MYOCD: variants seen among roughly 807,000 people sequenced by gnomAD.
MYOCD encodes the protein myocardin.
Under a neutral mutation model 96.1 loss-of-function variants are expected in MYOCD, and 32 were observed. The observed-to-expected ratio is 0.33, with a 90% CI of 0.25 to 0.45. The LOEUF is 0.45. MYOCD is among the 20% of genes least tolerant of loss of function. The probability of loss-of-function intolerance (pLI) is 1.00; values close to 1 mark genes in which losing one functional copy is unlikely to be tolerated. For synonymous variants in MYOCD, 469 were observed against 469.0 expected (o/e 1.00, Z 0.00); for missense variants, 1,133 against 1,200.6 (o/e 0.94, Z 0.83).
At chr17:12,687,993 C>T (rs866476362) in intron 1 of MYOCD, among the ~76,000 whole-genome samples, 1 of 152,180 alleles carries the variant, frequency 6.6e-6, no homozygotes, top group Non-Finnish European at 1.5e-5. Context: ...ATTCCAGTAA[C>T]TTCTCTCTGA....
chr17:12,728,578 CA>C (rs2032069781), intron 5 of MYOCD, among the ~76,000 whole-genome samples: 1 of 152,146 alleles, frequency 6.6e-6, no homozygotes, highest in Non-Finnish European at 1.5e-5. Flanking sequence ...CTCCCGGGTT[CA>C]AGTGATTCTC....
intron 5 of MYOCD, among the ~76,000 whole-genome samples, chr17:12,726,482 A>T (rs940033260): frequency 2.6e-5 from 4 of 151,074 alleles, no homozygotes; most frequent in African/African-American, 4.9e-5. Flanking sequence ...TCCACTTATT[A>T]AAAAAAATCT....
At chr17:12,685,259 TACTGC>T (rs2150646870) in intron 1 of MYOCD, among the ~76,000 whole-genome samples, 1 of 151,866 alleles carries the variant, frequency 6.6e-6, no homozygotes, top group African/African-American at 2.4e-5. Flanking sequence ...AAGATCACAC[TACTGC>T]ACTCCAGCCT....
intron 1 of MYOCD, among the ~76,000 whole-genome samples, chr17:12,667,435 G>A (rs939942612): frequency 2.0e-5 from 3 of 152,172 alleles, no homozygotes; most frequent in African/African-American, 7.2e-5. Flanking sequence ...CACTGGGGTC[G>A]GCAGTGGATT....
At chr17:12,726,356 T>G (rs1028952780) in intron 5 of MYOCD, among the ~76,000 whole-genome samples, 4 of 152,168 alleles carry the variant, frequency 2.6e-5, no homozygotes, top group South Asian at 4.1e-4. Flanking sequence ...CAATAAAACT[T>G]TATTTACAAA....
rs191139944 is a variant in MYOCD at position 12,766,401 on chromosome 17, A to G, written c.*2757A>G. ...TAAAATGGTTCCTATATCCTAATGC[A>G]AACCAACACAGTTAAAAGAGCAGAT... On this transcript the variant is annotated 3_prime_UTR_variant, in exon 14 of 14. Transcript: ENST00000425538. The G allele has an allele frequency of 6.6e-6, 1 of 152,276 alleles. No individual in the cohort carries two copies. The highest frequency in any genetic ancestry group is 1.9e-4 in the East Asian group (1 of 5,182). 9.4% of individuals were successfully genotyped at this position (152,276 alleles called of 1,614,324 possible). A position where few individuals can be genotyped will look rare whatever the true frequency, so the allele number is the denominator to read the frequency against.
chr17:12,715,303 T>C lies in MYOCD; in HGVS notation c.122-216T>C, dbSNP rs1021026701. ...TTCTTGTTGCACATCCTGCCTCTGC[T>C]ACTCCCCGTTTGAGGCTTCGATTCC... On this transcript the variant is annotated intron_variant, in intron 2 of 13. Transcript: ENST00000425538. 9.7e-5 allele frequency among the ~76,000 whole-genome samples: 7 copies of C among 72,458 alleles called. No homozygotes were observed. In the East Asian group the frequency reaches 1.8e-3, roughly 18 times the overall value. 47.5% of individuals were successfully genotyped at this position (72,458 alleles called of 152,430 possible). A position where few individuals can be genotyped will look rare whatever the true frequency, so the allele number is the denominator to read the frequency against.
At chr17:12,758,784 C>T in intron 12 of MYOCD, among the ~76,000 whole-genome samples, 1 of 152,188 alleles carries the variant, frequency 6.6e-6, no homozygotes, top group Non-Finnish European at 1.5e-5. Context: ...TCTGGTGGCT[C>T]ACACCTGTAA....
Position 12,702,418 on chromosome 17 carries a change from A to T in MYOCD, c.56-2710A>T, listed in dbSNP as rs372197353. 1.3e-4 allele frequency among the ~76,000 whole-genome samples: 20 copies of T among 152,024 alleles called. 1 individual carries two copies. In the South Asian group the frequency reaches 4.2e-3, roughly 32 times the overall value. On this transcript the variant is annotated intron_variant, in intron 1 of 13. Coordinates refer to ENST00000425538, the MANE Select transcript of MYOCD (RefSeq NM_001146312.3). ...ACCTTTTTTCCATCTACTTACTTTC[A>T]ACCAATCTGACACTTTATATATAAA...
chr17:12,752,440 A>C lies in MYOCD; in HGVS notation c.1152A>C (p.Arg384=), dbSNP rs1322162633. 5 of 1,612,766 alleles carry C rather than the reference A, an allele frequency of 3.1e-6. No individual in the cohort carries two copies. The highest frequency in any genetic ancestry group is 4.2e-6 in the Non-Finnish European group (5 of 1,179,448). ...LKVSELRQQL[R]IRGLPVSGTK... ...TCTCTGAATTAAGACAACAGCTTCGAATTCGGGGCTTGCCTGTGTCAGGCA... is the reference window on the plus strand; with the variant it reads ...TCTCTGAATTAAGACAACAGCTTCGCATTCGGGGCTTGCCTGTGTCAGGCA... Residue 384 remains arginine (R), a synonymous_variant, in exon 10 of 14, where the codon CGA becomes CGC. Coordinates refer to ENST00000425538, the MANE Select transcript of MYOCD (RefSeq NM_001146312.3).
At chr17:12,673,388 G>A (rs780955076) in intron 1 of MYOCD, among the ~76,000 whole-genome samples, 6 of 152,176 alleles carry the variant, frequency 3.9e-5, no homozygotes, top group Non-Finnish European at 7.4e-5. Flanking sequence ...TTTTTACAAC[G>A]TGATAATCAG....
intron 9 of MYOCD, among the ~76,000 whole-genome samples, chr17:12,747,339 C>T (rs1170360869): frequency 2.1e-5 from 3 of 145,766 alleles, no homozygotes; most frequent in Non-Finnish European, 4.5e-5. Flanking sequence ...GAGGCGCCAT[C>T]TGAGTCTTGG....
intron 1 of MYOCD, among the ~76,000 whole-genome samples, chr17:12,675,613 A>C (rs990891363): frequency 1.3e-5 from 2 of 152,288 alleles, no homozygotes; most frequent in East Asian, 3.9e-4. Context: ...AATCCCAGCA[A>C]TTTGGGAGGC....
intron 1 of MYOCD, among the ~76,000 whole-genome samples, chr17:12,688,678 T>C (rs556068730): frequency 5.3e-5 from 8 of 149,936 alleles, no homozygotes; most frequent in South Asian, 2.1e-4. Flanking sequence ...TTCATTCCTT[T>C]CTTCCTTCCT....
rs564841040 is a variant in MYOCD at position 12,764,954 on chromosome 17, C to T, written c.*1310C>T. On this transcript the variant is annotated 3_prime_UTR_variant, in exon 14 of 14. Transcript: ENST00000425538. ...TCAGTCACGAAGTTCTTTCTATTCT[C>T]GTTTAGTTTTCAAGAAATTATTGGT... 2 of 152,240 alleles carry T rather than the reference C, an allele frequency of 1.3e-5. No individual in the cohort carries two copies. Among genetic ancestry groups the T allele is most frequent in the Admixed American group, 6.5e-5 (1 of 15,288 alleles). 9.4% of individuals were successfully genotyped at this position (152,240 alleles called of 1,614,324 possible).
chr17:12,666,936 T>C (rs1389456689), intron 1 of MYOCD, among the ~76,000 whole-genome samples: 1 of 152,182 alleles, frequency 6.6e-6, no homozygotes, highest in East Asian at 1.9e-4. Context: ...CAGAAGGGCT[T>C]GTACACGCGC....
At chr17:12,686,863 A>G (rs1471916785) in intron 1 of MYOCD, among the ~76,000 whole-genome samples, 1 of 152,214 alleles carries the variant, frequency 6.6e-6, no homozygotes, top group Non-Finnish European at 1.5e-5. Context: ...AGAGCTTTCC[A>G]GTGCTCTGGA....
chr17:12,744,516 TG>T, intron 8 of MYOCD, 80 bp downstream of exon 8: 1 of 1,504,186 alleles, frequency 6.6e-7, no homozygotes, highest in East Asian at 2.5e-5. Context: ...GCCAGCACCA[TG>T]GGGCCTAGCA....
rs948336283 is a variant in MYOCD, at chr17:12,763,185, A to G, written c.2502A>G (p.Glu834=). 2.3e-5 allele frequency: 37 copies of G among 1,614,002 alleles called. No homozygotes were observed. In the Middle Eastern group the frequency reaches 4.9e-4, roughly 22 times the overall value. ...TCACCAAGCCCTCGGCTTCCTTTGA[A>G]CAAGCCTCTTCAGGCAGCCAGATCC... The part of the protein sequence containing the change: ...AVLTKPSASF[E]QASSGSQIPF... Residue 834 remains glutamate (E), a synonymous_variant, in exon 14 of 14, where the codon GAA becomes GAG. Transcript: ENST00000425538.
Sources: allele counts gnomAD v4.1 joint callset (sites outside exome capture counted in the v4.1 genomes callset), GRCh38; gene constraint gnomAD v4.1.1; transcripts MANE v1.5; gene names NCBI Gene and HGNC (gene_info 2026-07-23, HGNC 2026-07-21).